Variants in NF2 observed in about 807,000 individuals in gnomAD.
The protein encoded by NF2 is merlin.
A neutral mutation model predicts 83.7 loss-of-function variants in NF2; 8 were observed. That is an observed-to-expected ratio of 0.10 (90% CI 0.06 to 0.17). The LOEUF (loss-of-function observed/expected upper bound fraction) is 0.17, where lower values mean the gene tolerates loss of function less well. Ranked by LOEUF, NF2 falls within the 10% of genes least tolerant of loss-of-function variation. NF2 has a pLI of 1.00. For synonymous variants in NF2, 266 were observed against 269.6 expected, an observed-to-expected ratio of 0.99 and a Z score of 0.13; for missense variants, 533 against 744.4, an observed-to-expected ratio of 0.72 and a Z score of 3.31.
At chr22:29,693,008 G>A (rs560899610) in intron 15 of NF2, among the ~76,000 whole-genome samples, 2 of 152,354 alleles carry the variant, frequency 1.3e-5, no homozygotes, top group Non-Finnish European at 2.9e-5. Context: ...GACTGTGCCT[G>A]TATCTGACTC....
chr22:29,651,663 A>G (rs2066151254), intron 4 of NF2, among the ~76,000 whole-genome samples: 1 of 152,198 alleles, frequency 6.6e-6, no homozygotes, highest in Non-Finnish European at 1.5e-5. Context: ...AGGTGGCTTT[A>G]ATGTTGGAAG....
chr22:29,604,194 G>A (rs2064722797), intron 1 of NF2, 82 bp downstream of exon 1: 3 of 1,157,094 alleles, frequency 2.6e-6, no homozygotes, highest in African/African-American at 3.0e-5. Flanking sequence ...TCTTATGGGT[G>A]TAGCTAGAGA....
chr22:29,675,184 CT>C (rs2066924249), intron 13 of NF2, among the ~76,000 whole-genome samples: 1 of 152,198 alleles, frequency 6.6e-6, no homozygotes, highest in Non-Finnish European at 1.5e-5. Context: ...CCTTTTCCAG[CT>C]CTGGAATGTT....
intron 3 of NF2, among the ~76,000 whole-genome samples, chr22:29,640,126 C>T (rs185128471): frequency 3.8e-5 from 5 of 132,526 alleles, no homozygotes; most frequent in African/African-American, 1.1e-4. Context: ...ACCCAGGAGG[C>T]GGAGGTTGCA....
intron 1 of NF2, among the ~76,000 whole-genome samples, chr22:29,615,604 G>A (rs1001612522): frequency 1.2e-4 from 19 of 152,132 alleles, no homozygotes; most frequent in East Asian, 5.8e-4. Context: ...GTGTGGTAGC[G>A]TTCCTCTGTA....
chr22:29,637,593 A>G (rs192088906), intron 2 of NF2, among the ~76,000 whole-genome samples: 160 of 152,294 alleles, frequency 1.1e-3, no homozygotes, highest in Middle Eastern at 3.4e-3. Context: ...CTCCTAAAAG[A>G]CACCTGAACT....
intron 1 of NF2, among the ~76,000 whole-genome samples, chr22:29,616,605 G>A (rs1479578954): frequency 1.3e-5 from 2 of 152,098 alleles, no homozygotes; most frequent in Non-Finnish European, 2.9e-5. Context: ...AGCTGGGCGT[G>A]ATGGCACACG....
intron 8 of NF2, among the ~76,000 whole-genome samples, chr22:29,662,698 T>C (rs1288891514): frequency 6.6e-6 from 1 of 152,162 alleles, no homozygotes; most frequent in Non-Finnish European, 1.5e-5. Flanking sequence ...CTGTGTCACA[T>C]CAGGAAGCAG....
intron 1 of NF2, among the ~76,000 whole-genome samples, chr22:29,623,313 T>C (rs976727093): frequency 1.3e-5 from 2 of 152,170 alleles, no homozygotes; most frequent in Non-Finnish European, 2.9e-5. Flanking sequence ...TTAAAGAGGC[T>C]TGTATTCATC....
At chr22:29,641,908 G>A (rs1049925839) in intron 3 of NF2, among the ~76,000 whole-genome samples, 1 of 152,136 alleles carries the variant, frequency 6.6e-6, no homozygotes, top group African/African-American at 2.4e-5. Flanking sequence ...AGTTCATAGC[G>A]CTCTGTCACA....
chr22:29,608,644 G>A (rs116054125), intron 1 of NF2, among the ~76,000 whole-genome samples: 2,255 of 150,704 alleles, frequency 0.015, 59 homozygotes, highest in African/African-American at 0.052. Flanking sequence ...CCTCCAACCT[G>A]GGTGACAGAG....
rs117536234 is a variant in NF2, at chr22:29,658,050, G to C, written c.600-139G>C. ...CTCAGGGCCGGGCAGAGCTTTGCTGGTGTCTGCTGTGGCTTTTGTCTTCTG... is the reference window on the plus strand; with the variant it reads ...CTCAGGGCCGGGCAGAGCTTTGCTGCTGTCTGCTGTGGCTTTTGTCTTCTG... On this transcript the variant is annotated intron_variant, in intron 6 of 15. Transcript: ENST00000338641. The C allele has an allele frequency of 1.3e-3, 933 of 737,310 alleles. 3 individuals carry two copies. The African/African-American group carries it at 0.014, about 11-fold the overall frequency. 45.7% of individuals were successfully genotyped at this position (737,310 alleles called of 1,614,324 possible). A position where few individuals can be genotyped will look rare whatever the true frequency, so the allele number is the denominator to read the frequency against.
rs1183358228 is a variant in NF2 at position 29,696,616 on chromosome 22, G to T, written c.*1814G>T. 4.7e-6 allele frequency: 1 copy of T among 213,200 alleles called. No individual in the cohort carries two copies. The highest frequency in any genetic ancestry group is 9.5e-6 in the Non-Finnish European group (1 of 105,254). 13.2% of individuals were successfully genotyped at this position (213,200 alleles called of 1,614,324 possible). ...GTTGGGCTGCTCGGCAACTGCTTGG[G>T]TCACCTTGCCCCAAGGAAACCAGCC... is the stretch of plus-strand genomic sequence containing the variant. On this transcript the variant is annotated 3_prime_UTR_variant, in exon 16 of 16. Coordinates refer to ENST00000338641, the MANE Select transcript of NF2 (RefSeq NM_000268.4).
intron 11 of NF2, 91 bp downstream of exon 11, chr22:29,672,039 A>G (rs2066809687): frequency 6.3e-7 from 1 of 1,583,868 alleles, no homozygotes. Flanking sequence ...ATGAGTTAGC[A>G]GCGTTTGCTT....
intron 2 of NF2, among the ~76,000 whole-genome samples, chr22:29,638,390 G>C (rs975152407): frequency 7.0e-6 from 1 of 143,612 alleles, no homozygotes; most frequent in South Asian, 2.2e-4. Flanking sequence ...TGCTCTTGTT[G>C]CCCAGGCTGC....
At position 29,671,847 on chromosome 22, in the gene NF2, C is replaced by G. The variant is rs74315499; in HGVS notation, c.1021C>G (p.Arg341Gly). 1.2e-6 allele frequency: 2 copies of G among 1,613,874 alleles called. No individual in the cohort carries two copies. The highest frequency in any genetic ancestry group is 2.7e-5 in the African/African-American group (2 of 74,852). ...GCAGATGGAGCGGCAGCGCCTCGCT[C>G]GAGAGAAGCAGATGAGGGAGGAGGC... ...RKQMERQRLA[R>G]EKQMREEAER... The change falls in exon 11 of 16, where the codon CGA (arginine) becomes GGA (glycine). Residue 341 changes from arginine (R) to glycine (G), a missense_variant. Arg to Gly is a moderately radical substitution (Grantham distance 125). This residue lies in a region of NF2 where 326 missense variants were observed against 475.1 expected (regional missense o/e 0.69). Transcript: ENST00000338641.
At chr22:29,652,595 G>A (rs780158503) in intron 4 of NF2, among the ~76,000 whole-genome samples, 9 of 152,158 alleles carry the variant, frequency 5.9e-5, no homozygotes, top group Admixed American at 2.0e-4. Context: ...GAGCCACCAC[G>A]CCCAGCCAAG....
At chr22:29,648,917 CTA>C (rs1191505431) in intron 4 of NF2, among the ~76,000 whole-genome samples, 2 of 152,104 alleles carry the variant, frequency 1.3e-5, no homozygotes, top group Non-Finnish European at 2.9e-5. Flanking sequence ...AACTGCCGAA[CTA>C]TGTTTCATAG....
At position 29,641,544 on chromosome 22, in the gene NF2, G is replaced by A. The variant is rs538213937; in HGVS notation, c.364-658G>A. On this transcript the variant is annotated intron_variant, in intron 3 of 15. Coordinates refer to ENST00000338641, the MANE Select transcript of NF2 (RefSeq NM_000268.4). ...GCTTTCCTGCTGTGTTTATTTCAGTGTCCCCCTGCCACGTCATGCAGTTGT... is the reference window on the plus strand; with the variant it reads ...GCTTTCCTGCTGTGTTTATTTCAGTATCCCCCTGCCACGTCATGCAGTTGT... Among the ~76,000 whole-genome samples, 3 of 152,250 alleles carry A rather than the reference G, an allele frequency of 2.0e-5. No homozygotes were observed. The East Asian group carries it at 5.8e-4, about 29-fold the overall frequency.
Sources: gnomAD v4.1 joint callset for allele counts (sites outside exome capture counted in the v4.1 genomes callset) on GRCh38, gnomAD v4.1.1 for gene constraint, gnomAD v4.1.1 regional missense constraint, MANE v1.5 for transcripts, NCBI Gene and HGNC (gene_info 2026-07-23, HGNC 2026-07-21) for gene names.